DOCK1: variants seen among roughly 807,000 people sequenced by gnomAD.
DOCK1 encodes the protein dedicator of cytokinesis protein 1.
DOCK1 carries 138 observed loss-of-function variants against 262.7 expected under a neutral mutation model. The observed-to-expected ratio is 0.53, with a 90% CI of 0.46 to 0.61. The LOEUF (loss-of-function observed/expected upper bound fraction) is 0.61. DOCK1 is among the 20% of genes least tolerant of loss of function. DOCK1 has a pLI of 0.00. For synonymous variants in DOCK1, 866 were observed against 867.4 expected (o/e 1.00, Z 0.03); for missense variants, 1,908 against 2,370.7 (o/e 0.80, Z 4.05).
At chr10:127,048,977 T>A (rs964243547) in intron 21 of DOCK1, among the ~76,000 whole-genome samples, 3 of 152,202 alleles carry the variant, frequency 2.0e-5, no homozygotes, top group African/African-American at 7.2e-5. Flanking sequence ...TCTTACTATA[T>A]CTGTTTATTA....
chr10:127,324,887 C>G (rs886571625), intron 29 of DOCK1, among the ~76,000 whole-genome samples: 18 of 152,162 alleles, frequency 1.2e-4, no homozygotes, highest in African/African-American at 4.3e-4. Context: ...ATTCTGGAGG[C>G]AAGATTCAAT....
intron 43 of DOCK1, among the ~76,000 whole-genome samples, chr10:127,412,985 G>A (rs924795519): frequency 6.6e-6 from 1 of 152,198 alleles, no homozygotes; most frequent in African/African-American, 2.4e-5. Context: ...GCAACAGTGC[G>A]GGCAGAACCT....
intron 23 of DOCK1, among the ~76,000 whole-genome samples, chr10:127,097,962 A>G (rs2048008818): frequency 6.6e-6 from 1 of 152,172 alleles, no homozygotes; most frequent in South Asian, 2.1e-4. Context: ...GCCTCACTCC[A>G]AACTCAGCTC....
chr10:127,019,077 A>C lies in DOCK1; in HGVS notation c.1327+242A>C, dbSNP rs532512468. ...TCTCCCCAGCTGCAAGGATTGTGTG[A>C]GGGGGGCGTGGGCACCCAGCAAATG... On this transcript the variant is annotated intron_variant, in intron 13 of 51. Coordinates refer to ENST00000623213, the MANE Select transcript of DOCK1 (RefSeq NM_001290223.2). 34 of 526,530 alleles carry C rather than the reference A, an allele frequency of 6.5e-5. No individual in the cohort carries two copies. The East Asian group carries it at 1.1e-3, about 17-fold the overall frequency. 32.6% of individuals were successfully genotyped at this position (526,530 alleles called of 1,614,324 possible). A position where few individuals can be genotyped will look rare whatever the true frequency, so the allele number is the denominator to read the frequency against.
At chr10:127,445,973 G>T (rs2134813648) in intron 50 of DOCK1, among the ~76,000 whole-genome samples, 1 of 152,350 alleles carries the variant, frequency 6.6e-6, no homozygotes, top group East Asian at 1.9e-4. Context: ...CATAGAGACA[G>T]AAAGGCATGG....
intron 18 of DOCK1, among the ~76,000 whole-genome samples, chr10:127,036,347 C>T (rs1016306987): frequency 3.9e-5 from 6 of 152,114 alleles, no homozygotes; most frequent in African/African-American, 4.8e-5. Flanking sequence ...GTCAGCTGTA[C>T]TTGTTTTGGA....
At chr10:127,154,823 T>C (rs1327516934) in intron 27 of DOCK1, among the ~76,000 whole-genome samples, 1 of 152,160 alleles carries the variant, frequency 6.6e-6, no homozygotes, top group African/African-American at 2.4e-5. Context: ...GAAGGTTGTA[T>C]AAACATAAAG....
chr10:126,923,596 C>T (rs2033413765), intron 1 of DOCK1, among the ~76,000 whole-genome samples: 2 of 152,314 alleles, frequency 1.3e-5, no homozygotes, highest in Admixed American at 6.5e-5. Context: ...TGCACTCCAG[C>T]CTGGGTGACA....
At chr10:127,079,885 T>G (rs1477671103) in intron 23 of DOCK1, among the ~76,000 whole-genome samples, 1 of 152,232 alleles carries the variant, frequency 6.6e-6, no homozygotes, top group East Asian at 1.9e-4. Context: ...GAGCCAACAT[T>G]GCGCCACTGC....
intron 33 of DOCK1, among the ~76,000 whole-genome samples, chr10:127,371,530 G>T (rs1480572869): frequency 2.0e-5 from 3 of 152,158 alleles, no homozygotes; most frequent in Non-Finnish European, 4.4e-5. Flanking sequence ...GATCCCTTTG[G>T]CTTGACCATT....
chr10:127,252,667 T>C (rs1338360126), intron 28 of DOCK1, among the ~76,000 whole-genome samples: 1 of 151,160 alleles, frequency 6.6e-6, no homozygotes, highest in Non-Finnish European at 1.5e-5. Context: ...TGCTTGTTTT[T>C]CTCAGGTTTG....
intron 23 of DOCK1, among the ~76,000 whole-genome samples, chr10:127,075,001 C>A (rs1287822204): frequency 6.6e-6 from 1 of 151,680 alleles, no homozygotes; most frequent in Non-Finnish European, 1.5e-5. Flanking sequence ...GAAATCCTGT[C>A]TCTACTAAAA....
At chr10:127,287,118 A>G (rs559563093) in intron 29 of DOCK1, among the ~76,000 whole-genome samples, 1 of 151,988 alleles carries the variant, frequency 6.6e-6, no homozygotes, top group African/African-American at 2.4e-5. Context: ...TGTGTTAGCC[A>G]GGATGGTCTT....
intron 29 of DOCK1, among the ~76,000 whole-genome samples, chr10:127,301,232 G>A (rs1446633285): frequency 2.0e-5 from 3 of 152,150 alleles, no homozygotes; most frequent in Admixed American, 6.5e-5. Flanking sequence ...AGTGCTAGGC[G>A]GAAGTGCAGG....
chr10:127,035,780 C>T (rs560657823), intron 18 of DOCK1, among the ~76,000 whole-genome samples: 3 of 152,004 alleles, frequency 2.0e-5, no homozygotes, highest in South Asian at 2.1e-4. Context: ...GAGGCTGAGG[C>T]GTGAGGTTCA....
chr10:127,198,533 A>T (rs2057315157), intron 27 of DOCK1, among the ~76,000 whole-genome samples: 1 of 152,236 alleles, frequency 6.6e-6, no homozygotes, highest in African/African-American at 2.4e-5. Context: ...GCAAGAAAAC[A>T]GCTCCAAGGA....
chr10:127,154,124 T>C (rs571536826), intron 27 of DOCK1, among the ~76,000 whole-genome samples: 7 of 152,348 alleles, frequency 4.6e-5, no homozygotes, highest in Non-Finnish European at 8.8e-5. Context: ...AAGATGATAT[T>C]TAAATTAAAT....
rs2048828666 is a variant in DOCK1, at chr10:127,110,954, A to T, written c.2623+600A>T. Among the ~76,000 whole-genome samples, 2 of 152,248 alleles carry T rather than the reference A, an allele frequency of 1.3e-5. 1 individual carries two copies. The highest frequency in any genetic ancestry group is 4.1e-4 in the South Asian group (2 of 4,836). ...TTTATTGAAAGCTTAAAACCTCTGC[A>T]TAATTCCACAAACTTCCTCATTTAT... On this transcript the variant is annotated intron_variant, in intron 25 of 51. Coordinates refer to ENST00000623213, the MANE Select transcript of DOCK1 (RefSeq NM_001290223.2).
chr10:127,342,365 A>G (rs2063471548), intron 30 of DOCK1, among the ~76,000 whole-genome samples: 1 of 152,128 alleles, frequency 6.6e-6, no homozygotes, highest in Non-Finnish European at 1.5e-5. Context: ...AGAGAGCCCC[A>G]TTGTGGGCTC....
Sources: allele counts gnomAD v4.1 joint callset (sites outside exome capture counted in the v4.1 genomes callset), GRCh38; gene constraint gnomAD v4.1.1; transcripts MANE v1.5; gene names NCBI Gene and HGNC (gene_info 2026-07-23, HGNC 2026-07-21).